NOD1: variants seen among roughly 807,000 people sequenced by gnomAD.
NOD1 encodes nucleotide binding oligomerization domain containing 1, also known as nucleotide-binding oligomerization domain-containing protein 1.
Under a neutral mutation model 81.2 loss-of-function variants are expected in NOD1, and 70 were observed. The ratio of observed to expected loss-of-function variants is 0.86; its 90% CI spans 0.71 to 1.05. The LOEUF is 1.05. Among genes scored for constraint, NOD1 ranks in the 50% least tolerant of loss-of-function variants. The pLI is 0.00. For synonymous variants in NOD1, 508 were observed against 526.9 expected (o/e 0.96, Z 0.49); for missense variants, 1,233 against 1,228.0 (o/e 1.00, Z -0.06).
In NOD1 at chr7:30,455,348, T is replaced by C. The variant is rs376399290; in HGVS notation, c.202-37A>G. On this transcript the variant is annotated intron_variant, in intron 4 of 13. Coordinates refer to ENST00000222823, the MANE Select transcript of NOD1 (RefSeq NM_006092.4). Reference sequence around the variant, plus strand: ...ACAAGCATGAGGGCACGGGCTGGCATGAGGGGCATCCTCCTACCATAAGGA... The same window carrying C: ...ACAAGCATGAGGGCACGGGCTGGCACGAGGGGCATCCTCCTACCATAAGGA... 3.4e-5 allele frequency: 53 copies of C among 1,579,926 alleles called. No individual in the cohort carries two copies. The African/African-American group carries it at 6.7e-4, about 20-fold the overall frequency.
chr7:30,436,337 G>C (rs2128005814), intron 10 of NOD1, among the ~76,000 whole-genome samples: 1 of 152,350 alleles, frequency 6.6e-6, no homozygotes, highest in South Asian at 2.1e-4. Context: ...AGTGGGCTGG[G>C]GTCGGCACCT....
chr7:30,430,567 G>A (rs1198880185), intron 12 of NOD1, among the ~76,000 whole-genome samples: 3 of 152,170 alleles, frequency 2.0e-5, no homozygotes, highest in Admixed American at 6.5e-5. Flanking sequence ...GGACTCCCTC[G>A]TGAGAGGCAG....
intron 11 of NOD1, among the ~76,000 whole-genome samples, 156 bp downstream of exon 11, chr7:30,435,842 T>C (rs935886909): frequency 2.6e-5 from 4 of 151,988 alleles, no homozygotes; most frequent in African/African-American, 9.7e-5. Context: ...GCCTATAGTC[T>C]CAGGACTCGG....
chr7:30,450,810 C>T (rs769110609), intron 6 of NOD1, among the ~76,000 whole-genome samples: 1 of 152,224 alleles, frequency 6.6e-6, no homozygotes, highest in Non-Finnish European at 1.5e-5. Context: ...TGTGCCTCTA[C>T]TTCCTTATCT....
chr7:30,446,625 G>C, intron 8 of NOD1: 1 of 395,600 alleles, frequency 2.5e-6, no homozygotes, highest in South Asian at 3.2e-5. Flanking sequence ...CCCTGCGCAG[G>C]GCACACCTAC....
intron 10 of NOD1, 79 bp from the exon 11 acceptor site, chr7:30,436,160 G>T (rs1234356817): frequency 8.4e-7 from 1 of 1,185,704 alleles, no homozygotes; most frequent in African/African-American, 1.5e-5. Flanking sequence ...GAACAGCTGG[G>T]AAGCCTCTGC....
rs1379667241 is a variant in NOD1, at chr7:30,452,205, G to T, written c.1212C>A (p.Phe404Leu). Residue 404 changes from phenylalanine to leucine, a missense_variant, in exon 6 of 14, where the codon TTC (phenylalanine) becomes TTA (leucine). Physicochemically the swap from Phe to Leu is conservative, Grantham distance 22. Transcript: ENST00000222823. ...CWIIFRCFQH[F>L]RAAFEGSPQL... ...GTGGTGAGCCTTCAAAGGCAGCACGGAAGTGCTGGAAGCACCGGAAGATGA... is the reference window on the plus strand; with the variant it reads ...GTGGTGAGCCTTCAAAGGCAGCACGTAAGTGCTGGAAGCACCGGAAGATGA... The T allele has an allele frequency of 5.6e-6, 9 of 1,613,902 alleles. No homozygotes were observed. The highest frequency in any genetic ancestry group is 7.6e-6 in the Non-Finnish European group (9 of 1,180,008).
At chr7:30,458,457 T>C (rs1321449463) in intron 3 of NOD1, among the ~76,000 whole-genome samples, 3 of 152,192 alleles carry the variant, frequency 2.0e-5, no homozygotes, top group African/African-American at 4.8e-5. Flanking sequence ...ACAAGCCACA[T>C]CTGTTAACAT....
At chr7:30,463,098 T>C (rs1411681994) in intron 1 of NOD1, among the ~76,000 whole-genome samples, 1 of 151,864 alleles carries the variant, frequency 6.6e-6, no homozygotes, top group African/African-American at 2.4e-5. Flanking sequence ...GAGATAGAAA[T>C]GTTCTGTGTC....
rs759325298 is a variant in NOD1 at position 30,447,010 on chromosome 7, C to T, written c.2326G>A (p.Val776Ile). Residue 776 changes from valine to isoleucine, a missense_variant, in exon 8 of 14, where the codon GTC becomes ATC. Transcript: ENST00000222823. ...TTGCATTCATCCAGGATTTTGGTGA[C>T]GTACCTGGCTCCGACATCGGTGATC... ...NQITDVGARY[V>I]TKILDECKGL... The T allele has an allele frequency of 6.2e-6, 10 of 1,614,092 alleles. No individual in the cohort carries two copies. In the East Asian group the frequency reaches 8.9e-5, roughly 14 times the overall value.
At chr7:30,426,210 T>A (rs571480309) in intron 13 of NOD1, among the ~76,000 whole-genome samples, 2 of 152,254 alleles carry the variant, frequency 1.3e-5, no homozygotes, top group East Asian at 3.9e-4. Context: ...CTTGTTTGTA[T>A]GTCCGTGGAG....
At chr7:30,449,522 C>T (rs905049012) in intron 6 of NOD1, among the ~76,000 whole-genome samples, 8 of 152,166 alleles carry the variant, frequency 5.3e-5, no homozygotes, top group African/African-American at 1.9e-4. Context: ...AGAGTGTCGA[C>T]TAGATGGCTG....
At chr7:30,438,366 C>T (rs1784567796) in intron 9 of NOD1, among the ~76,000 whole-genome samples, 2 of 152,218 alleles carry the variant, frequency 1.3e-5, no homozygotes, top group Non-Finnish European at 2.9e-5. Flanking sequence ...ATTATGTAGT[C>T]TCTTGGACCT....
At chr7:30,435,039 G>A (rs1057341689) in intron 11 of NOD1, among the ~76,000 whole-genome samples, 5 of 151,890 alleles carry the variant, frequency 3.3e-5, no homozygotes, top group African/African-American at 1.2e-4. Flanking sequence ...CCAAAGTACT[G>A]GGATTACAGA....
At chr7:30,470,724 C>G (rs1013987683) in intron 1 of NOD1, among the ~76,000 whole-genome samples, 1 of 152,158 alleles carries the variant, frequency 6.6e-6, no homozygotes, top group Non-Finnish European at 1.5e-5. Context: ...TTGGTTTTAT[C>G]CAGGCTTTGA....
In NOD1 at chr7:30,425,570, G is replaced by A; in HGVS notation, c.*68C>T. ...GCCCCTTTAAGACACTGACACAAAA[G>A]ACTGCCCAGAGTGGCATTTGCTGCT... On this transcript the variant is annotated 3_prime_UTR_variant, in exon 14 of 14. Coordinates refer to ENST00000222823, the MANE Select transcript of NOD1 (RefSeq NM_006092.4). 1 of 1,154,360 alleles carries A rather than the reference G, an allele frequency of 8.7e-7. No homozygotes were observed. Among genetic ancestry groups the A allele is most frequent in the Non-Finnish European group, 1.3e-6 (1 of 760,270 alleles). The allele number at this position is 1,154,360 out of a possible 1,614,324, so 71.5% of individuals were successfully genotyped here.
chr7:30,428,468 G>A (rs1783654625), intron 13 of NOD1: 1 of 152,160 alleles, frequency 6.6e-6, no homozygotes, highest in Admixed American at 6.5e-5. Context: ...TCACATGCAA[G>A]CATGAACTAA....
In NOD1 at chr7:30,459,889, C is replaced by T. The variant is rs953484933; in HGVS notation, c.-211+12G>A. The T allele has an allele frequency of 3.9e-5, 6 of 152,624 alleles. No individual in the cohort carries two copies. The highest frequency in any genetic ancestry group is 1.9e-4 in the East Asian group (1 of 5,196). 9.5% of individuals were successfully genotyped at this position (152,624 alleles called of 1,614,324 possible). On this transcript the variant is annotated intron_variant, in intron 2 of 13. Coordinates refer to ENST00000222823, the MANE Select transcript of NOD1 (RefSeq NM_006092.4). ...CTTTGCCCGCCTACCACGAGGGGCC[C>T]GTTTTACTCACTGCTTCTGTCTCTT...
intron 9 of NOD1, among the ~76,000 whole-genome samples, chr7:30,445,455 C>T (rs1675222575): frequency 6.6e-6 from 1 of 151,836 alleles, no homozygotes; most frequent in Non-Finnish European, 1.5e-5. Flanking sequence ...TATTACTCAG[C>T]CTTAAAAAAG....
Sources: gnomAD v4.1 joint callset for allele counts (sites outside exome capture counted in the v4.1 genomes callset) on GRCh38, gnomAD v4.1.1 for gene constraint, MANE v1.5 for transcripts, NCBI Gene and HGNC (gene_info 2026-07-23, HGNC 2026-07-21) for gene names.